Variants in CACNB2 observed in about 807,000 individuals in gnomAD.
CACNB2 encodes the protein voltage-dependent L-type calcium channel subunit beta-2.
Under a neutral mutation model 73.3 loss-of-function variants are expected in CACNB2, and 42 were observed. That is an observed-to-expected ratio of 0.57 (90% CI 0.45 to 0.74). CACNB2 has a LOEUF of 0.74. Ranked by LOEUF, CACNB2 falls within the 30% of genes least tolerant of loss-of-function variation. The pLI, the probability that CACNB2 is intolerant of heterozygous loss-of-function variation, is 0.00. For synonymous variants in CACNB2, 348 were observed against 310.3 expected, an observed-to-expected ratio of 1.12 and a Z score of -1.28; for missense variants, 940 against 853.0, an observed-to-expected ratio of 1.10 and a Z score of -1.27.
In CACNB2 at chr10:18,150,880, T is replaced by A. The variant is rs889241672; in HGVS notation, c.121-3T>A. 1.2e-5 allele frequency: 16 copies of A among 1,300,360 alleles called. No homozygotes were observed. The South Asian group carries it at 1.3e-4, about 11-fold the overall frequency. 80.6% of individuals were successfully genotyped at this position (1,300,360 alleles called of 1,614,324 possible). A position where few individuals can be genotyped will look rare whatever the true frequency, so the allele number is the denominator to read the frequency against. ...CTTTTTTTTTTTTTTTTTTTTTTTT[T>A]AGTCATATGGAAAAGGAGCCAGAAG... On this transcript the variant is annotated splice_region_variant and splice_polypyrimidine_tract_variant and intron_variant, in intron 1 of 13. Transcript: ENST00000324631.
At chr10:18,494,357 C>A (rs568563495) in intron 3 of CACNB2, among the ~76,000 whole-genome samples, 3 of 152,008 alleles carry the variant, frequency 2.0e-5, no homozygotes, top group Admixed American at 2.0e-4. Context: ...GGGCTGGGTG[C>A]GGTGGCTCAC....
Position 18,285,045 on chromosome 10 carries a change from G to A in CACNB2, c.214-116879G>A, listed in dbSNP as rs76304907. 3.1e-3 allele frequency among the ~76,000 whole-genome samples: 465 copies of A among 152,300 alleles called. 11 individuals are homozygous for A. In the East Asian group the frequency reaches 0.038, roughly 12 times the overall value. On this transcript the variant is annotated intron_variant, in intron 2 of 13. Transcript: ENST00000324631. The stretch of plus-strand genomic sequence containing the variant: ...GAGACGTAAGTGAGAAAGGCCAGCA[G>A]TCAGCAGTTCTGTGCTCATCAAATT...
In CACNB2 at chr10:18,539,729, T is replaced by G. The variant is rs2053959466; in HGVS notation, c.*5T>G. ...GATGTTTACATCCGCCAATGAGTTT[T>G]GCCCGTTTGTGTTTTTTTTTTTTTT... On this transcript the variant is annotated 3_prime_UTR_variant, in exon 14 of 14. Transcript: ENST00000324631. The G allele has an allele frequency of 6.3e-7, 1 of 1,576,990 alleles. No individual in the cohort carries two copies. The highest frequency in any genetic ancestry group is 1.5e-5 in the African/African-American group (1 of 67,788).
intron 3 of CACNB2, among the ~76,000 whole-genome samples, chr10:18,482,980 G>A (rs2048864924): frequency 6.6e-6 from 1 of 152,110 alleles, no homozygotes; most frequent in African/African-American, 2.4e-5. Flanking sequence ...CCTTCCTCCC[G>A]TGTCTGCTCT....
chr10:18,423,506 C>T (rs1044355644), intron 3 of CACNB2, among the ~76,000 whole-genome samples: 3 of 152,156 alleles, frequency 2.0e-5, no homozygotes, highest in African/African-American at 7.2e-5. Flanking sequence ...CCTTCAAGCC[C>T]AGTTCCTGCA....
intron 3 of CACNB2, among the ~76,000 whole-genome samples, chr10:18,444,403 G>A (rs1004051045): frequency 2.6e-5 from 4 of 152,158 alleles, no homozygotes; most frequent in Non-Finnish European, 4.4e-5. Context: ...TGAATTGATT[G>A]TATTTTCTGT....
intron 2 of CACNB2, among the ~76,000 whole-genome samples, chr10:18,241,458 T>G (rs1412111795): frequency 2.6e-5 from 4 of 151,928 alleles, no homozygotes; most frequent in African/African-American, 7.3e-5. Flanking sequence ...AGGGGAGGGA[T>G]AGCATTAGGA....
At chr10:18,220,386 A>G (rs1368163086) in intron 2 of CACNB2, among the ~76,000 whole-genome samples, 2 of 147,798 alleles carry the variant, frequency 1.4e-5, no homozygotes, top group Non-Finnish European at 3.0e-5. Context: ...CAGCCTCCCA[A>G]GTAGCTACGA....
chr10:18,340,894 T>C, intron 2 of CACNB2: 1 of 1,614,142 alleles, frequency 6.2e-7, no homozygotes, highest in Non-Finnish European at 8.5e-7. Flanking sequence ...AAATTCCTGC[T>C]GGAGTGCTGG....
At chr10:18,245,817 G>A (rs1392948047) in intron 2 of CACNB2, among the ~76,000 whole-genome samples, 2 of 152,076 alleles carry the variant, frequency 1.3e-5, no homozygotes, top group Non-Finnish European at 2.9e-5. Context: ...AAGGTATGGG[G>A]TGGGAAGTGT....
At chr10:18,291,942 A>G (rs2131776675) in intron 2 of CACNB2, among the ~76,000 whole-genome samples, 1 of 152,350 alleles carries the variant, frequency 6.6e-6, no homozygotes. Flanking sequence ...TGGCAAAGTC[A>G]CGGTGGAGTG....
intron 2 of CACNB2, among the ~76,000 whole-genome samples, chr10:18,310,614 AAAAAAAAAAAAAAAGT>A (rs2039923708): frequency 6.9e-6 from 1 of 144,316 alleles, no homozygotes; most frequent in Non-Finnish European, 1.5e-5. Flanking sequence ...TCAAAAAAAA[AAAAAAAAAAAAAAAGT>A]AAAAAAAAAA....
chr10:18,398,809 A>C (rs772176952), intron 2 of CACNB2, among the ~76,000 whole-genome samples: 12 of 152,134 alleles, frequency 7.9e-5, no homozygotes, highest in Non-Finnish European at 1.6e-4. Context: ...CTAAAGATCA[A>C]TTGGTAGTCA....
Position 18,542,616 on chromosome 10 carries a change from G to A in CACNB2, c.*2892G>A, listed in dbSNP as rs1319584925. ...GCACTTTACTGTAGAACATATTAGTGCAAATCAGAATATTCCTCAAAGAAC... is the reference window on the plus strand; with the variant it reads ...GCACTTTACTGTAGAACATATTAGTACAAATCAGAATATTCCTCAAAGAAC... On this transcript the variant is annotated 3_prime_UTR_variant, in exon 14 of 14. Coordinates refer to ENST00000324631, the MANE Select transcript of CACNB2 (RefSeq NM_201596.3). 1.3e-5 allele frequency: 2 copies of A among 152,100 alleles called. No homozygotes were observed. The highest frequency in any genetic ancestry group is 4.8e-5 in the African/African-American group (2 of 41,414). 9.4% of individuals were successfully genotyped at this position (152,100 alleles called of 1,614,324 possible).
At chr10:18,291,431 T>A (rs2039064863) in intron 2 of CACNB2, among the ~76,000 whole-genome samples, 1 of 152,218 alleles carries the variant, frequency 6.6e-6, no homozygotes, top group African/African-American at 2.4e-5. Flanking sequence ...TTTTAATTTT[T>A]TCAAGGGACT....
intron 2 of CACNB2, among the ~76,000 whole-genome samples, chr10:18,345,927 G>C (rs751570578): frequency 1.3e-5 from 2 of 152,190 alleles, no homozygotes; most frequent in Non-Finnish European, 2.9e-5. Context: ...ACCGAAGCAC[G>C]CTTAGTATGA....
At chr10:18,455,502 C>T (rs2047235154) in intron 3 of CACNB2, among the ~76,000 whole-genome samples, 1 of 152,228 alleles carries the variant, frequency 6.6e-6, no homozygotes. Context: ...CTGTTGGGAA[C>T]ACCTGTGTTC....
chr10:18,448,497 A>AAG (rs1280898308), intron 3 of CACNB2, among the ~76,000 whole-genome samples: 38 of 141,562 alleles, frequency 2.7e-4, no homozygotes, highest in South Asian at 4.4e-4. Context: ...AAAAAAAAAA[A>AAG]AAAAGAAAAG....
At chr10:18,313,959 GAAGA>G (rs1564427890) in intron 2 of CACNB2, among the ~76,000 whole-genome samples, 4 of 152,206 alleles carry the variant, frequency 2.6e-5, no homozygotes, top group African/African-American at 4.8e-5. Context: ...GTAGACTTTA[GAAGA>G]AAGAAAGAAA....
Sources: gnomAD v4.1 joint callset for allele counts (sites outside exome capture counted in the v4.1 genomes callset) on GRCh38, gnomAD v4.1.1 for gene constraint, MANE v1.5 for transcripts, NCBI Gene and HGNC (gene_info 2026-07-23, HGNC 2026-07-21) for gene names.